The following MID2 variants were observed in gnomAD, a reference collection of about 807,000 sequenced individuals.
The protein encoded by MID2 is probable E3 ubiquitin-protein ligase MID2.
Under a neutral mutation model 46.1 loss-of-function variants are expected in MID2, and 13 were observed. That is an observed-to-expected ratio of 0.28 (90% CI 0.18 to 0.45). The LOEUF (loss-of-function observed/expected upper bound fraction) is 0.45, where lower values mean the gene tolerates loss of function less well. Among genes scored for constraint, MID2 ranks in the 20% least tolerant of loss-of-function variants. The pLI, the probability that MID2 is intolerant of heterozygous loss-of-function variation, is 1.00. For missense variants in MID2, 431 were observed against 575.4 expected (o/e 0.75, Z 2.57); for synonymous variants, 199 against 212.3 (o/e 0.94, Z 0.55).
intron 5 of MID2, among the ~76,000 whole-genome samples, chrX:107,906,502 A>G (rs1397540110): frequency 1.8e-5 from 2 of 112,499 alleles, no homozygotes; most frequent in Admixed American, 1.9e-4. Context: ...GAACTTCACC[A>G]TCACTCAGAA....
chrX:107,853,197 T>G (rs1263431090), intron 2 of MID2, among the ~76,000 whole-genome samples: 1 of 112,191 alleles, frequency 8.9e-6, no homozygotes, highest in African/African-American at 3.2e-5. Context: ...CGGCTACTGT[T>G]GTAACAACAT....
At chrX:107,911,878 G>A (rs183202959) in intron 5 of MID2, among the ~76,000 whole-genome samples, 37 of 111,860 alleles carry the variant, frequency 3.3e-4, no homozygotes, top group Non-Finnish European at 6.6e-4. Context: ...GAGGGGCAGC[G>A]GTGTGGAAGG....
At position 107,920,661 on chromosome X, in the gene MID2, A is replaced by G. The variant is rs558696624; in HGVS notation, c.1435+2922A>G. On this transcript the variant is annotated intron_variant, in intron 7 of 9. Coordinates refer to ENST00000262843, the MANE Select transcript of MID2 (RefSeq NM_012216.4). ...GGTATACTTCCACTGACATAATTCA[A>G]TCATAAGTCCCATCTTACTAAATCT... Among the ~76,000 whole-genome samples, 5 of 112,122 alleles carry G rather than the reference A, an allele frequency of 4.5e-5. 1 individual carries two copies. The South Asian group carries it at 1.9e-3, about 42-fold the overall frequency.
At position 107,915,993 on chromosome X, in the gene MID2, C is replaced by G. The variant is rs768753974; in HGVS notation, c.1074-9C>G. The G allele has an allele frequency of 7.6e-5, 91 of 1,199,691 alleles. No homozygotes were observed. The highest frequency in any genetic ancestry group is 9.4e-5 in the Non-Finnish European group (84 of 891,562). On this transcript the variant is annotated splice_polypyrimidine_tract_variant and intron_variant, in intron 5 of 9. Coordinates refer to ENST00000262843, the MANE Select transcript of MID2 (RefSeq NM_012216.4). ...TTGATGTATATTGATGTACTTTTCT[C>G]TTTTTCAGGGTCGCTATGGCAACTG...
At position 107,924,463 on chromosome X, in the gene MID2, C is replaced by T. The variant is rs1478220783; in HGVS notation, c.1556C>T (p.Ala519Val). The change falls in exon 8 of 10, where the codon GCC (alanine) becomes GTC (valine). Residue 519 changes from alanine (A) to valine (V), a missense_variant. By Grantham distance (64) the Ala-to-Val change is moderately conservative (BLOSUM62 0). Coordinates refer to ENST00000262843, the MANE Select transcript of MID2 (RefSeq NM_012216.4). Reference sequence around the variant, plus strand: ...TTCATCGTTAAAGCCATAAACCAAGCCGGCAGCCGGAACAGTGAACCTACC... The same window carrying T: ...TTCATCGTTAAAGCCATAAACCAAGTCGGCAGCCGGAACAGTGAACCTACC... ...YIFIVKAINQ[A>V]GSRNSEPTRL... 1 of 1,211,365 alleles carries T rather than the reference C, an allele frequency of 8.3e-7. No homozygotes were observed. The highest frequency in any genetic ancestry group is 1.8e-5 in the South Asian group (1 of 56,967).
intron 5 of MID2, among the ~76,000 whole-genome samples, chrX:107,908,243 G>T (rs1247899669): frequency 1.8e-5 from 2 of 111,496 alleles, no homozygotes; most frequent in Non-Finnish European, 3.8e-5. Flanking sequence ...CTGCAAATTT[G>T]GACTTTTTTT....
intron 1 of MID2, among the ~76,000 whole-genome samples, chrX:107,828,234 G>C (rs750145185): frequency 9.1e-6 from 1 of 110,396 alleles, no homozygotes. Flanking sequence ...GCAGATGCTG[G>C]CATCACACTT....
At chrX:107,840,588 C>A in intron 1 of MID2, 82 bp from the exon 2 acceptor site, 1 of 771,355 alleles carries the variant, frequency 1.3e-6, no homozygotes, top group African/African-American at 2.1e-5. Context: ...CACGTAAACG[C>A]GCCCATTGGT....
intron 1 of MID2, among the ~76,000 whole-genome samples, chrX:107,827,067 C>G (rs780819864): frequency 8.9e-6 from 1 of 112,790 alleles, no homozygotes; most frequent in East Asian, 2.8e-4. Context: ...TGCGACGCAA[C>G]CAGGGAGAGT....
rs1287964136 is a variant in MID2, at chrX:107,881,227, C to T, written c.817-22731C>T. On this transcript the variant is annotated intron_variant, in intron 3 of 9. Transcript: ENST00000262843. ...TTGGATGCTGGGCAGTAGTAGAGAG[C>T]AGGAGCTCCCACTGGGTTAGGGTTA... Among the ~76,000 whole-genome samples, 12 of 112,376 alleles carry T rather than the reference C, an allele frequency of 1.1e-4. No individual in the cohort carries two copies. The Admixed American group carries it at 1.1e-3, about 11-fold the overall frequency.
intron 5 of MID2, among the ~76,000 whole-genome samples, chrX:107,910,880 T>A (rs1235217037): frequency 1.2e-5 from 1 of 85,650 alleles, no homozygotes; most frequent in Non-Finnish European, 2.3e-5. Flanking sequence ...TCTTTCTTTC[T>A]TCTTGTTCTG....
intron 3 of MID2, 53 bp from the exon 4 acceptor site, chrX:107,903,905 A>G (rs1017926871): frequency 4.4e-6 from 4 of 898,982 alleles, no homozygotes; most frequent in Non-Finnish European, 6.5e-6. Context: ...TTTTAGAGCC[A>G]GCAGGGGACA....
At chrX:107,882,920 T>C (rs908821453) in intron 3 of MID2, among the ~76,000 whole-genome samples, 47 of 112,265 alleles carry the variant, frequency 4.2e-4, no homozygotes, top group African/African-American at 1.5e-3. Context: ...ACTGTGGCAC[T>C]ATTCACAATA....
intron 1 of MID2, among the ~76,000 whole-genome samples, chrX:107,840,237 A>G (rs762515205): frequency 1.6e-4 from 18 of 110,497 alleles, no homozygotes; most frequent in Non-Finnish European, 3.2e-4. Context: ...CTTACACTGG[A>G]TGTCACATAG....
At chrX:107,829,092 T>A (rs1294689048) in intron 1 of MID2, among the ~76,000 whole-genome samples, 1 of 111,997 alleles carries the variant, frequency 8.9e-6, no homozygotes, top group Non-Finnish European at 1.9e-5. Flanking sequence ...TTTCCCAGTC[T>A]GGTCTCAAAC....
At chrX:107,878,373 G>A (rs376689572) in intron 3 of MID2, among the ~76,000 whole-genome samples, 5 of 110,009 alleles carry the variant, frequency 4.5e-5, no homozygotes, top group African/African-American at 1.7e-4. Flanking sequence ...TGCAGCTGTT[G>A]GGGTGGGGGT....
At chrX:107,896,812 T>TCA (rs755737344) in intron 3 of MID2, among the ~76,000 whole-genome samples, 2,874 of 107,543 alleles carry the variant, frequency 0.027, 84 homozygotes, top group African/African-American at 0.083. Context: ...TCTCTCTCTC[T>TCA]CACACACACA....
At chrX:107,857,126 G>A (rs1393105930) in intron 3 of MID2, among the ~76,000 whole-genome samples, 1 of 111,884 alleles carries the variant, frequency 8.9e-6, no homozygotes, top group Non-Finnish European at 1.9e-5. Flanking sequence ...ATTGTTGAGA[G>A]TGAGAATGTA....
At chrX:107,885,195 A>G (rs1001188395) in intron 3 of MID2, among the ~76,000 whole-genome samples, 2 of 109,301 alleles carry the variant, frequency 1.8e-5, no homozygotes, top group Non-Finnish European at 3.8e-5. Flanking sequence ...ATATGTATAC[A>G]TGTGCTGTGT....
Sources: allele counts gnomAD v4.1 joint callset (sites outside exome capture counted in the v4.1 genomes callset), GRCh38; gene constraint gnomAD v4.1.1; transcripts MANE v1.5; gene names NCBI Gene and HGNC (gene_info 2026-07-23, HGNC 2026-07-21).